The following CNTN6 variants were observed in gnomAD, a reference collection of about 807,000 sequenced individuals.
CNTN6 encodes the protein contactin 6.
Under a neutral mutation model 122.8 loss-of-function variants are expected in CNTN6, and 137 were observed. That is an observed-to-expected ratio of 1.12 (90% CI 0.97 to 1.29). The LOEUF (loss-of-function observed/expected upper bound fraction) is 1.29. Ranked by LOEUF, CNTN6 falls within the 50% of genes most tolerant of loss-of-function variation. The probability of loss-of-function intolerance (pLI) is 0.00; values close to 1 mark genes in which losing one functional copy is unlikely to be tolerated. For synonymous variants in CNTN6, 570 were observed against 426.0 expected, an observed-to-expected ratio of 1.34 and a Z score of -4.16; for missense variants, 1,634 against 1,223.4, an observed-to-expected ratio of 1.34 and a Z score of -5.01.
chr3:1,317,119 C>A (rs192081662), intron 7 of CNTN6, among the ~76,000 whole-genome samples: 212 of 151,990 alleles, frequency 1.4e-3, no homozygotes, highest in Admixed American at 3.9e-3. Context: ...ATTGTATAAA[C>A]CTGCTTCACT....
intron 2 of CNTN6, among the ~76,000 whole-genome samples, chr3:1,191,346 T>C (rs2093699339): frequency 6.6e-6 from 1 of 152,086 alleles, no homozygotes. Flanking sequence ...TTCAGTCCCG[T>C]CTCCCATCCT....
At chr3:1,264,538 C>A (rs1448657185) in intron 4 of CNTN6, among the ~76,000 whole-genome samples, 1 of 151,970 alleles carries the variant, frequency 6.6e-6, no homozygotes, top group African/African-American at 2.4e-5. Context: ...ATAACTTAAA[C>A]CAGCTTCATC....
intron 2 of CNTN6, among the ~76,000 whole-genome samples, chr3:1,212,393 C>T (rs2094054281): frequency 6.6e-6 from 1 of 150,862 alleles, no homozygotes; most frequent in African/African-American, 2.4e-5. Context: ...TAGAGAGTAC[C>T]ATTATAATCA....
chr3:1,307,998 A>C (rs1698628663), intron 7 of CNTN6, among the ~76,000 whole-genome samples: 1 of 152,136 alleles, frequency 6.6e-6, no homozygotes, highest in Admixed American at 6.6e-5. Flanking sequence ...ATGGGTGACT[A>C]TGTGTAGTCC....
intron 2 of CNTN6, among the ~76,000 whole-genome samples, chr3:1,166,871 C>T (rs2093261963): frequency 6.6e-6 from 1 of 151,886 alleles, no homozygotes; most frequent in Non-Finnish European, 1.5e-5. Context: ...ACATCACACA[C>T]CAGGGCCTAT....
At chr3:1,396,972 T>A (rs1042433769) in intron 20 of CNTN6, among the ~76,000 whole-genome samples, 1 of 152,190 alleles carries the variant, frequency 6.6e-6, no homozygotes, top group Non-Finnish European at 1.5e-5. Context: ...CATTGGAAAG[T>A]CTGAAAAAGC....
chr3:1,325,765 C>T (rs1296866044), intron 8 of CNTN6, 50 bp from the exon 9 acceptor site: 1 of 1,590,652 alleles, frequency 6.3e-7, no homozygotes. Flanking sequence ...AGCATAATGT[C>T]TTGGATAACT....
chr3:1,281,258 G>C (rs1320729913), intron 5 of CNTN6, among the ~76,000 whole-genome samples: 2 of 152,114 alleles, frequency 1.3e-5, no homozygotes, highest in East Asian at 1.9e-4. Flanking sequence ...CTCCCTAAAG[G>C]CTCCATATTT....
chr3:1,255,684 A>G (rs2094745598), intron 4 of CNTN6, among the ~76,000 whole-genome samples: 1 of 151,786 alleles, frequency 6.6e-6, no homozygotes, highest in African/African-American at 2.4e-5. Context: ...TATTTTTATT[A>G]TTTCTTAGAG....
chr3:1,321,303 T>C (rs1053017296), intron 7 of CNTN6, among the ~76,000 whole-genome samples: 43 of 151,834 alleles, frequency 2.8e-4, no homozygotes, highest in African/African-American at 9.2e-4. Flanking sequence ...CTATTTCTTT[T>C]GTTTCGGTTA....
intron 3 of CNTN6, among the ~76,000 whole-genome samples, chr3:1,225,629 GC>G (rs1390460588): frequency 6.6e-6 from 1 of 151,730 alleles, no homozygotes; most frequent in Non-Finnish European, 1.5e-5. Context: ...ATATTAGAGT[GC>G]TGGCAAGGAG....
chr3:1,098,100 G>C (rs1053844022), intron 1 of CNTN6, among the ~76,000 whole-genome samples: 1 of 151,766 alleles, frequency 6.6e-6, no homozygotes, highest in Non-Finnish European at 1.5e-5. Flanking sequence ...TTTGCGGGGG[G>C]GGGAGGGATA....
intron 1 of CNTN6, among the ~76,000 whole-genome samples, chr3:1,108,535 G>A (rs1328431742): frequency 6.6e-6 from 1 of 152,004 alleles, no homozygotes; most frequent in Admixed American, 6.6e-5. Context: ...AAGCGTTTCA[G>A]ATTTTGGATA....
chr3:1,271,439 G>A (rs866099496), intron 4 of CNTN6, among the ~76,000 whole-genome samples: 5 of 152,130 alleles, frequency 3.3e-5, no homozygotes, highest in African/African-American at 1.2e-4. Context: ...TCATTCTAAG[G>A]TGTTCGAGCT....
chr3:1,131,328 G>A (rs1449765602), intron 1 of CNTN6, among the ~76,000 whole-genome samples: 1 of 152,022 alleles, frequency 6.6e-6, no homozygotes, highest in Non-Finnish European at 1.5e-5. Context: ...ACAAAGGGAG[G>A]TACTCATTGA....
intron 4 of CNTN6, among the ~76,000 whole-genome samples, chr3:1,275,818 A>C (rs1692243441): frequency 6.6e-6 from 1 of 152,156 alleles, no homozygotes; most frequent in Non-Finnish European, 1.5e-5. Context: ...GGCAGAGCTC[A>C]GGAGGTAATG....
chr3:1,213,812 GATTTGAGACAAAAA>G (rs2094084108), intron 2 of CNTN6, among the ~76,000 whole-genome samples: 1 of 125,552 alleles, frequency 8.0e-6, no homozygotes, highest in Admixed American at 9.2e-5. Flanking sequence ...TCTAATAAAT[GATTTGAGACAAAAA>G]AATTTTTTAA....
intron 4 of CNTN6, among the ~76,000 whole-genome samples, chr3:1,271,398 A>T (rs867830424): frequency 1.3e-5 from 2 of 152,136 alleles, no homozygotes; most frequent in African/African-American, 2.4e-5. Flanking sequence ...GGAGTAACTA[A>T]AGGGCCTTTA....
intron 8 of CNTN6, among the ~76,000 whole-genome samples, chr3:1,322,035 T>G (rs1700935189): frequency 6.6e-6 from 1 of 151,740 alleles, no homozygotes; most frequent in Non-Finnish European, 1.5e-5. Context: ...GCATGGTCTA[T>G]GAATGCTATT....
Sources: allele counts gnomAD v4.1 joint callset (sites outside exome capture counted in the v4.1 genomes callset), GRCh38; gene constraint gnomAD v4.1.1; transcripts MANE v1.5; gene names NCBI Gene and HGNC (gene_info 2026-07-23, HGNC 2026-07-21).